Variants in AADACL3 observed in about 807,000 individuals in gnomAD.
The protein encoded by AADACL3 is arylacetamide deacetylase like 3, also known as arylacetamide deacetylase-like 3.
AADACL3 carries 13 observed loss-of-function variants against 13.6 expected under a neutral mutation model. The ratio of observed to expected loss-of-function variants is 0.95; its 90% CI spans 0.62 to 1.52. AADACL3 has a LOEUF of 1.52. Ranked by LOEUF, AADACL3 falls within the 40% of genes most tolerant of loss-of-function variation. The pLI, the probability that AADACL3 is intolerant of heterozygous loss-of-function variation, is 0.00. For missense variants in AADACL3, 519 were observed against 499.2 expected (o/e 1.04, Z -0.38); for synonymous variants, 195 against 197.0 (o/e 0.99, Z 0.08).
chr1:12,718,277 C>T (rs1360079831), intron 1 of AADACL3, among the ~76,000 whole-genome samples: 1 of 145,008 alleles, frequency 6.9e-6, no homozygotes, highest in African/African-American at 2.6e-5. Context: ...AATCCCAGCA[C>T]TTTGGGAGGC....
Position 12,716,330 on chromosome 1 carries a change from C to T in AADACL3, c.154C>T (p.Leu52=), listed in dbSNP as rs1648432698. ...KLRVLHCIFQ[L]LLTWGMIFEK... is the part of the protein sequence containing the mutation. ...GAGAGTCCTCCATTGCATCTTCCAG[C>T]TGCTGTTGACTTGGGTGAGTTTTGT... Residue 52 remains leucine, a synonymous_variant, in exon 1 of 4, where the codon CTG becomes TTG. Coordinates refer to ENST00000359318, the MANE Select transcript of AADACL3 (RefSeq NM_001103170.3). 6.2e-7 allele frequency: 1 copy of T among 1,614,080 alleles called. No homozygotes were observed. The highest frequency in any genetic ancestry group is 1.3e-5 in the African/African-American group (1 of 74,932).
Position 12,726,931 on chromosome 1 carries a change from G to A in AADACL3, c.*935G>A, listed in dbSNP as rs1638381486. 1 of 152,244 alleles carries A rather than the reference G, an allele frequency of 6.6e-6. No homozygotes were observed. The highest frequency in any genetic ancestry group is 2.1e-4 in the South Asian group (1 of 4,828). The allele number at this position is 152,244 out of a possible 1,614,324, so 9.4% of individuals were successfully genotyped here. ...GAAAGACAATAGATTGGCTTAGGTA[G>A]GGATGCATGCTAGGCATACATCAGG... On this transcript the variant is annotated 3_prime_UTR_variant, in exon 4 of 4. Coordinates refer to ENST00000359318, the MANE Select transcript of AADACL3 (RefSeq NM_001103170.3).
At position 12,725,814 on chromosome 1, in the gene AADACL3, G is replaced by A. The variant is rs201210320; in HGVS notation, c.1042G>A (p.Ala348Thr). 25 of 1,614,172 alleles carry A rather than the reference G, an allele frequency of 1.5e-5. No individual in the cohort carries two copies. The African/African-American group carries it at 2.7e-4, about 17-fold the overall frequency. Residue 348 changes from alanine to threonine, a missense_variant, in exon 4 of 4, where the codon GCT becomes ACT. Physicochemically the swap from Ala to Thr is moderately conservative, Grantham distance 58. Transcript: ENST00000359318. ...CTGCATCGTGAGCTGTGAGTATGAT[G>A]CTCTCCGGGACAATTCACTGTTGTA... ...ETCIVSCEYD[A>T]LRDNSLLYKK... is the part of the protein sequence containing the mutation.
At chr1:12,717,524 C>T (rs1383753734) in intron 1 of AADACL3, among the ~76,000 whole-genome samples, 1 of 152,122 alleles carries the variant, frequency 6.6e-6, no homozygotes, top group Admixed American at 6.5e-5. Flanking sequence ...ATTTTTTATG[C>T]AAAGATGTGT....
intron 2 of AADACL3, 21 bp from the exon 3 acceptor site, chr1:12,720,862 T>C: frequency 6.2e-7 from 1 of 1,603,072 alleles, no homozygotes; most frequent in Middle Eastern, 1.7e-4. Context: ...TAGTGAATCT[T>C]AAAAACCATT....
At chr1:12,718,821 A>G (rs1220888014) in intron 1 of AADACL3, among the ~76,000 whole-genome samples, 1 of 152,156 alleles carries the variant, frequency 6.6e-6, no homozygotes. Context: ...CCCTTTATGC[A>G]AACTTTGACA....
At chr1:12,720,405 T>C (rs1372052387) in intron 2 of AADACL3, among the ~76,000 whole-genome samples, 2 of 152,208 alleles carry the variant, frequency 1.3e-5, no homozygotes, top group Non-Finnish European at 2.9e-5. Flanking sequence ...TCATTAATAT[T>C]ACTAATTACA....
At position 12,727,744 on chromosome 1, in the gene AADACL3, C is replaced by A. The variant is rs1460339339; in HGVS notation, c.*1748C>A. The A allele has an allele frequency of 2.1e-4, 32 of 152,266 alleles. No homozygotes were observed. Among genetic ancestry groups the A allele is most frequent in the Non-Finnish European group, 1.5e-5 (1 of 68,080 alleles). 9.4% of individuals were successfully genotyped at this position (152,266 alleles called of 1,614,324 possible). A position where few individuals can be genotyped will look rare whatever the true frequency, so the allele number is the denominator to read the frequency against. ...ATAGGAACCATCCCCTGAAAACACA[C>A]ACTATGGTAGCCACTCAACTGTTGA... is the stretch of plus-strand genomic sequence containing the variant. On this transcript the variant is annotated 3_prime_UTR_variant, in exon 4 of 4. Coordinates refer to ENST00000359318, the MANE Select transcript of AADACL3 (RefSeq NM_001103170.3).
chr1:12,719,208 C>T (rs1398783280), intron 1 of AADACL3, among the ~76,000 whole-genome samples: 1 of 152,114 alleles, frequency 6.6e-6, no homozygotes, highest in Non-Finnish European at 1.5e-5. Context: ...GCCCAGAAGC[C>T]TGGCTTGTAG....
At chr1:12,718,336 G>A (rs1221575340) in intron 1 of AADACL3, among the ~76,000 whole-genome samples, 2 of 123,806 alleles carry the variant, frequency 1.6e-5, no homozygotes, top group Non-Finnish European at 3.2e-5. Flanking sequence ...CAGCCTGGGT[G>A]ACATAATGAG....
Position 12,726,930 on chromosome 1 carries a change from A to T in AADACL3, c.*934A>T, listed in dbSNP as rs1246186244. On this transcript the variant is annotated 3_prime_UTR_variant, in exon 4 of 4. Transcript: ENST00000359318. ...AGAAAGACAATAGATTGGCTTAGGT[A>T]GGGATGCATGCTAGGCATACATCAG... The T allele has an allele frequency of 6.6e-6, 1 of 152,296 alleles. No individual in the cohort carries two copies. Among genetic ancestry groups the T allele is most frequent in the Non-Finnish European group, 1.5e-5 (1 of 68,062 alleles). The allele number at this position is 152,296 out of a possible 1,614,324, so 9.4% of individuals were successfully genotyped here. A position where few individuals can be genotyped will look rare whatever the true frequency, so the allele number is the denominator to read the frequency against.
chr1:12,717,496 C>G (rs1003149691), intron 1 of AADACL3, among the ~76,000 whole-genome samples: 1 of 152,202 alleles, frequency 6.6e-6, no homozygotes, highest in Non-Finnish European at 1.5e-5. Flanking sequence ...GCCATTGTTA[C>G]TCTTTGTTGA....
chr1:12,719,451 C>T (rs773185052), intron 1 of AADACL3, 24 bp from the exon 2 acceptor site: 1 of 1,603,676 alleles, frequency 6.2e-7, no homozygotes. Context: ...CATCTCGACC[C>T]ATCATTTCTT....
intron 3 of AADACL3, among the ~76,000 whole-genome samples, chr1:12,721,897 A>T (rs1638269355): frequency 6.6e-6 from 1 of 152,164 alleles, no homozygotes; most frequent in Non-Finnish European, 1.5e-5. Flanking sequence ...ATGCAGCATC[A>T]CACACGTGGT....
chr1:12,724,260 C>T (rs1638322551), intron 3 of AADACL3, among the ~76,000 whole-genome samples: 1 of 152,132 alleles, frequency 6.6e-6, no homozygotes, highest in Non-Finnish European at 1.5e-5. Flanking sequence ...CTCACACCTA[C>T]AACCACATTC....
At position 12,716,309 on chromosome 1, in the gene AADACL3, G is replaced by A. The variant is rs749414451; in HGVS notation, c.133G>A (p.Val45Ile). 6.2e-7 allele frequency: 1 copy of A among 1,614,176 alleles called. No homozygotes were observed. Among genetic ancestry groups the A allele is most frequent in the Admixed American group, 1.7e-5 (1 of 60,030 alleles). ...GGTTGGCCACCCTGTGAAACTGAGA[G>A]TCCTCCATTGCATCTTCCAGCTGCT... ...AAVGHPVKLR[V>I]LHCIFQLLLT... The change falls in exon 1 of 4, where the codon GTC becomes ATC. Residue 45 changes from valine to isoleucine, a missense_variant. Coordinates refer to ENST00000359318, the MANE Select transcript of AADACL3 (RefSeq NM_001103170.3).
At chr1:12,719,041 G>A (rs1648504584) in intron 1 of AADACL3, among the ~76,000 whole-genome samples, 1 of 152,138 alleles carries the variant, frequency 6.6e-6, no homozygotes, top group South Asian at 2.1e-4. Flanking sequence ...TTTAAAAAAT[G>A]TACCCACACT....
intron 3 of AADACL3, among the ~76,000 whole-genome samples, chr1:12,724,631 T>A (rs1401227454): frequency 6.6e-6 from 1 of 151,976 alleles, no homozygotes; most frequent in Non-Finnish European, 1.5e-5. Flanking sequence ...ACTACATGTA[T>A]CCACCACCAT....
intron 3 of AADACL3, among the ~76,000 whole-genome samples, chr1:12,721,706 C>T (rs143791703): frequency 2.2e-3 from 334 of 152,332 alleles, no homozygotes; most frequent in South Asian, 8.9e-3. Flanking sequence ...AATGCTGCCA[C>T]GTTCACTTCC....
Sources: gnomAD v4.1 joint callset for allele counts (sites outside exome capture counted in the v4.1 genomes callset) on GRCh38, gnomAD v4.1.1 for gene constraint, MANE v1.5 for transcripts, NCBI Gene and HGNC (gene_info 2026-07-23, HGNC 2026-07-21) for gene names.